Variants in SHPRH observed in about 807,000 individuals in gnomAD.
SHPRH encodes the protein E3 ubiquitin-protein ligase SHPRH.
Under a neutral mutation model 202.5 loss-of-function variants are expected in SHPRH, and 106 were observed. The observed-to-expected ratio is 0.52, with a 90% CI of 0.45 to 0.62. SHPRH has a LOEUF of 0.62. SHPRH is among the 20% of genes least tolerant of loss of function. The pLI is 0.00. For missense variants in SHPRH, 1,710 were observed against 2,020.0 expected (o/e 0.85, Z 2.94); for synonymous variants, 729 against 686.0 (o/e 1.06, Z -0.98).
intron 23 of SHPRH, among the ~76,000 whole-genome samples, chr6:145,915,219 ATAAAT>A (rs1405353302): frequency 1.3e-5 from 2 of 148,862 alleles, no homozygotes; most frequent in Admixed American, 1.3e-4. Context: ...ATAAATTTAA[ATAAAT>A]TAAATTAAAT....
At chr6:145,942,571 T>C (rs72999990) in intron 9 of SHPRH, among the ~76,000 whole-genome samples, 5,038 of 152,240 alleles carry the variant, frequency 0.033, 182 homozygotes, top group Admixed American at 0.1. Flanking sequence ...AGAATGAAAT[T>C]AGTGAAGGGT....
chr6:145,924,711 A>C, intron 17 of SHPRH, 28 bp downstream of exon 17: 1 of 1,593,162 alleles, frequency 6.3e-7, no homozygotes, highest in Non-Finnish European at 8.6e-7. Context: ...AGGCAAATAC[A>C]AGTAAGAAAC....
In SHPRH at chr6:145,955,171, G is replaced by C; in HGVS notation, c.152C>G (p.Ser51Cys). The change falls in exon 2 of 30, where the codon TCT becomes TGT. Residue 51 changes from serine to cysteine, a missense_variant. Around this residue, in one of 8 missense-constraint regions of SHPRH, gnomAD observed 459 missense variants for 426.5 expected, o/e 1.08. Transcript: ENST00000275233. Reference sequence around the variant, plus strand: ...ATCACTTAGAATGATATAATGAGCAGAAGAGGTATCTGAACCTGGGCAGGG... The same window carrying C: ...ATCACTTAGAATGATATAATGAGCACAAGAGGTATCTGAACCTGGGCAGGG... ...EQPCPGSDTS[S>C]AHYIILSDSL... The C allele has an allele frequency of 3.1e-6, 5 of 1,613,826 alleles. No individual in the cohort carries two copies. Among genetic ancestry groups the C allele is most frequent in the Non-Finnish European group, 4.2e-6 (5 of 1,179,960 alleles).
At chr6:145,927,924 C>G (rs954196288) in intron 14 of SHPRH, among the ~76,000 whole-genome samples, 2 of 151,848 alleles carry the variant, frequency 1.3e-5, no homozygotes, top group Admixed American at 6.6e-5. Flanking sequence ...TAAAGCAATT[C>G]AAAAAGTATC....
intron 25 of SHPRH, 74 bp from the exon 26 acceptor site, chr6:145,895,051 A>T: frequency 7.7e-7 from 1 of 1,293,546 alleles, no homozygotes; most frequent in Non-Finnish European, 1.1e-6. Context: ...AGCAATACAA[A>T]GTACTTTTTA....
At chr6:145,860,472 C>T (rs987779141), downstream of SHPRH, among the ~76,000 whole-genome samples, 2 of 151,774 alleles carry the variant, frequency 1.3e-5, no homozygotes, top group African/African-American at 2.4e-5. Flanking sequence ...TTGAAAACTA[C>T]AAAACATTGA....
At chr6:145,929,555 T>G (rs985046093) in intron 14 of SHPRH, among the ~76,000 whole-genome samples, 6 of 152,036 alleles carry the variant, frequency 3.9e-5, no homozygotes, top group Non-Finnish European at 8.8e-5. Context: ...TGAATATTGT[T>G]TAACACATTA....
In SHPRH at chr6:145,918,130, C is replaced by T; in HGVS notation, c.4254+1G>A. ...AAAGTAGCATGTCTTAGAAACAATA[C>T]CTTCTCCAAATTAGTTAGGTAAAGA... On this transcript the variant is annotated splice_donor_variant, in intron 23 of 29. Coordinates refer to ENST00000275233, the MANE Select transcript of SHPRH (RefSeq NM_001042683.3). LOFTEE classifies it high-confidence loss of function. The T allele has an allele frequency of 1.2e-6, 2 of 1,604,688 alleles. No homozygotes were observed. Among genetic ancestry groups the T allele is most frequent in the Non-Finnish European group, 1.7e-6 (2 of 1,175,238 alleles).
downstream of SHPRH, among the ~76,000 whole-genome samples, chr6:145,881,237 T>C (rs182045381): frequency 1.4e-3 from 215 of 152,314 alleles, no homozygotes; most frequent in African/African-American, 4.6e-3. Flanking sequence ...TTGTTTGTAT[T>C]AGTCCATTTT....
chr6:145,886,434 A>G lies in SHPRH; in HGVS notation c.*257T>C. The G allele has an allele frequency of 1.3e-6, 1 of 781,938 alleles. No individual in the cohort carries two copies. The highest frequency in any genetic ancestry group is 1.4e-5 in the South Asian group (1 of 71,200). The allele number at this position is 781,938 out of a possible 1,614,324, so 48.4% of individuals were successfully genotyped here. A position where few individuals can be genotyped will look rare whatever the true frequency, so the allele number is the denominator to read the frequency against. On this transcript the variant is annotated 3_prime_UTR_variant, in exon 30 of 30. Transcript: ENST00000275233. ...TCTTAATTCCCTTGCATCATCAGAT[A>G]TAGATACTATTTGGGACAAAAAATA...
At chr6:145,876,310 G>C (rs1225408518) in intron 2 of SHPRH, among the ~76,000 whole-genome samples, 1 of 152,104 alleles carries the variant, frequency 6.6e-6, no homozygotes, top group Non-Finnish European at 1.5e-5. Flanking sequence ...GGAGTTTCAG[G>C]CTGCAGTGAA....
chr6:145,933,214 A>G (rs1785659832), intron 13 of SHPRH, 36 bp from the exon 14 acceptor site: 1 of 1,613,334 alleles, frequency 6.2e-7, no homozygotes, highest in East Asian at 2.2e-5. Flanking sequence ...AACTAGAAAG[A>G]AAATCCCAAG....
chr6:145,922,615 C>T (rs1424475392), intron 19 of SHPRH, 48 bp downstream of exon 19: 1 of 1,531,306 alleles, frequency 6.5e-7, no homozygotes, highest in Non-Finnish European at 8.7e-7. Context: ...AGAAATCTAG[C>T]TTAAAGAAAT....
intron 24 of SHPRH, 24 bp from the exon 25 acceptor site, chr6:145,910,660 T>C (rs1221682501): frequency 1.9e-6 from 3 of 1,539,446 alleles, no homozygotes; most frequent in Admixed American, 3.7e-5. Flanking sequence ...AGAACAAGCC[T>C]TAGTGCTATC....
chr6:145,922,196 T>C, intron 20 of SHPRH, 90 bp downstream of exon 20: 1 of 1,098,882 alleles, frequency 9.1e-7, no homozygotes, highest in Non-Finnish European at 1.3e-6. Context: ...TAAAGGTTAC[T>C]GTGGGGGAAA....
chr6:145,918,400 G>GT, intron 22 of SHPRH, 168 bp from the exon 23 acceptor site: 1 of 365,762 alleles, frequency 2.7e-6, no homozygotes, highest in East Asian at 4.6e-5. Flanking sequence ...TATTTCAAAT[G>GT]ATTTTTTTTT....
At position 145,955,103 on chromosome 6, in the gene SHPRH, A is replaced by T; in HGVS notation, c.220T>A (p.Ser74Thr). Residue 74 changes from serine (S) to threonine (T), a missense_variant, in exon 2 of 30, where the codon TCA becomes ACA. By Grantham distance (58) the Ser-to-Thr change is moderately conservative. This residue lies in a region of SHPRH where 459 missense variants were observed against 426.5 expected (regional missense o/e 1.08). Coordinates refer to ENST00000275233, the MANE Select transcript of SHPRH (RefSeq NM_001042683.3). ...EVAHRDKKRC[S>T]KVVSFSKPIE... Reference sequence around the variant, plus strand: ...GGTTTTGAGAAGCTCACCACTTTTGAACACCTCTTCTTATCTCTGTGAGCC... The same window carrying T: ...GGTTTTGAGAAGCTCACCACTTTTGTACACCTCTTCTTATCTCTGTGAGCC... The T allele has an allele frequency of 6.2e-7, 1 of 1,613,526 alleles. No individual in the cohort carries two copies. Among genetic ancestry groups the T allele is most frequent in the Admixed American group, 1.7e-5 (1 of 59,996 alleles).
chr6:145,913,386 T>C (rs979193783), intron 24 of SHPRH, 92 bp downstream of exon 24: 2 of 1,149,246 alleles, frequency 1.7e-6, no homozygotes, highest in Non-Finnish European at 2.5e-6. Flanking sequence ...TAGAAACTAG[T>C]GGTGAGAAAA....
At position 145,922,852 on chromosome 6, in the gene SHPRH, G is replaced by C; in HGVS notation, c.3546-16C>G. ...ATCACGGAACCTGATTCCCACACCA[G>C]CACCACACACAATACAAAGAAAAGA... On this transcript the variant is annotated splice_polypyrimidine_tract_variant and intron_variant, in intron 18 of 29. Coordinates refer to ENST00000275233, the MANE Select transcript of SHPRH (RefSeq NM_001042683.3). 6.3e-7 allele frequency: 1 copy of C among 1,584,058 alleles called. No individual in the cohort carries two copies.
Sources: gnomAD v4.1 joint callset for allele counts (sites outside exome capture counted in the v4.1 genomes callset) on GRCh38, gnomAD v4.1.1 for gene constraint, gnomAD v4.1.1 regional missense constraint, MANE v1.5 for transcripts, NCBI Gene and HGNC (gene_info 2026-07-23, HGNC 2026-07-21) for gene names.